The following SLCO5A1 variants were observed in gnomAD, a reference collection of about 807,000 sequenced individuals.
SLCO5A1 encodes solute carrier organic anion transporter family member 5A1.
SLCO5A1 carries 39 observed loss-of-function variants against 65.1 expected under a neutral mutation model. That is an observed-to-expected ratio of 0.60 (90% CI 0.46 to 0.78). The LOEUF (loss-of-function observed/expected upper bound fraction) is 0.78. Ranked by LOEUF, SLCO5A1 falls within the 30% of genes least tolerant of loss-of-function variation. The pLI, the probability that SLCO5A1 is intolerant of heterozygous loss-of-function variation, is 0.00. For synonymous variants in SLCO5A1, 438 were observed against 415.7 expected (o/e 1.05, Z -0.65); for missense variants, 1,029 against 1,069.4 (o/e 0.96, Z 0.53).
intron 2 of SLCO5A1, among the ~76,000 whole-genome samples, chr8:69,821,384 TGAA>T (rs1235276034): frequency 7.7e-6 from 1 of 129,928 alleles, no homozygotes; most frequent in Non-Finnish European, 1.6e-5. Flanking sequence ...ATTTGCAAAA[TGAA>T]GAAGAACAGG....
rs192257863 is a variant in SLCO5A1 at position 69,740,691 on chromosome 8, T to C, written c.1259-2487A>G. ...CTGGAAAAATGTCTAACTTTACAACTGGAGCAGAGATAATACAAGATAAGC... is the reference window on the plus strand; with the variant it reads ...CTGGAAAAATGTCTAACTTTACAACCGGAGCAGAGATAATACAAGATAAGC... On this transcript the variant is annotated intron_variant, in intron 4 of 9. Coordinates refer to ENST00000260126, the MANE Select transcript of SLCO5A1 (RefSeq NM_030958.3). Among the ~76,000 whole-genome samples the C allele has an allele frequency of 1.4e-3, 215 of 152,266 alleles. 1 individual carries two copies. The highest frequency in any genetic ancestry group is 2.6e-3 in the Non-Finnish European group (175 of 68,014).
intron 2 of SLCO5A1, among the ~76,000 whole-genome samples, chr8:69,763,527 G>A (rs981523153): frequency 6.9e-6 from 1 of 145,506 alleles, no homozygotes; most frequent in African/African-American, 2.5e-5. Context: ...GGCTGAGGTG[G>A]GAAAATCACT....
intron 2 of SLCO5A1, among the ~76,000 whole-genome samples, chr8:69,774,822 TGAA>T (rs1421782252): frequency 5.9e-5 from 9 of 152,156 alleles, no homozygotes; most frequent in Admixed American, 2.6e-4. Context: ...ACAGAGGACA[TGAA>T]GAACAATCCA....
At chr8:69,712,661 A>C (rs1326280588) in intron 5 of SLCO5A1, among the ~76,000 whole-genome samples, 1 of 152,048 alleles carries the variant, frequency 6.6e-6, no homozygotes, top group Non-Finnish European at 1.5e-5. Context: ...CCCTCTCATC[A>C]CACCTGTCAC....
At chr8:69,675,576 A>T (rs1027392598) in intron 9 of SLCO5A1, among the ~76,000 whole-genome samples, 1 of 152,156 alleles carries the variant, frequency 6.6e-6, no homozygotes, top group African/African-American at 2.4e-5. Flanking sequence ...GTACTGAAAA[A>T]AACAAGCCAC....
chr8:69,734,909 G>A (rs1816492789), intron 5 of SLCO5A1, among the ~76,000 whole-genome samples: 1 of 151,990 alleles, frequency 6.6e-6, no homozygotes, highest in African/African-American at 2.4e-5. Flanking sequence ...TCTATGCCCA[G>A]AGAGTAAGAA....
chr8:69,701,860 C>T (rs753572851), intron 6 of SLCO5A1, among the ~76,000 whole-genome samples: 12 of 152,090 alleles, frequency 7.9e-5, no homozygotes, highest in Non-Finnish European at 1.5e-4. Context: ...TTACAGAGTT[C>T]GACTCTTTCC....
intron 6 of SLCO5A1, among the ~76,000 whole-genome samples, chr8:69,686,938 G>C (rs765631512): frequency 6.6e-6 from 1 of 152,210 alleles, no homozygotes; most frequent in Non-Finnish European, 1.5e-5. Context: ...TTTGTAAACA[G>C]TTATCAAAAT....
At chr8:69,679,645 T>C (rs1451004255) in intron 7 of SLCO5A1, 26 bp from the exon 8 acceptor site, 1 of 1,607,264 alleles carries the variant, frequency 6.2e-7, no homozygotes, top group Non-Finnish European at 8.5e-7. Context: ...AAAGATGAGT[T>C]GTGTGCCCCT....
intron 6 of SLCO5A1, among the ~76,000 whole-genome samples, chr8:69,696,512 G>A (rs1418279106): frequency 2.0e-5 from 3 of 152,152 alleles, no homozygotes; most frequent in Admixed American, 2.0e-4. Flanking sequence ...TCATTTATCC[G>A]TTGCCTCCCA....
intron 2 of SLCO5A1, among the ~76,000 whole-genome samples, chr8:69,779,679 T>C (rs555214248): frequency 5.3e-4 from 80 of 152,256 alleles, no homozygotes; most frequent in African/African-American, 1.9e-3. Context: ...GTTAAGGAGA[T>C]AGGCAATTAG....
At chr8:69,675,853 G>T (rs1813525535) in intron 9 of SLCO5A1, among the ~76,000 whole-genome samples, 1 of 152,190 alleles carries the variant, frequency 6.6e-6, no homozygotes, top group Non-Finnish European at 1.5e-5. Context: ...ACTGCCACTT[G>T]AGAAAAAGAC....
chr8:69,754,352 C>A (rs1471337104), intron 4 of SLCO5A1, among the ~76,000 whole-genome samples: 1 of 152,148 alleles, frequency 6.6e-6, no homozygotes, highest in African/African-American at 2.4e-5. Context: ...AAATTACAGT[C>A]TTTAAAAATG....
intron 2 of SLCO5A1, among the ~76,000 whole-genome samples, chr8:69,792,971 T>TTTTTTTG (rs1161200529): frequency 2.0e-5 from 3 of 151,898 alleles, no homozygotes; most frequent in Non-Finnish European, 4.4e-5. Context: ...TGTTGTTTGG[T>TTTTTTTG]TTTTTTGTTT....
Position 69,769,991 on chromosome 8 carries a change from T to A in SLCO5A1, c.908-8116A>T, listed in dbSNP as rs991747548. 2.5e-4 allele frequency among the ~76,000 whole-genome samples: 38 copies of A among 152,184 alleles called. 2 individuals are homozygous for A. The highest frequency in any genetic ancestry group is 2.5e-3 in the Admixed American group (38 of 15,280). On this transcript the variant is annotated intron_variant, in intron 2 of 9. Transcript: ENST00000260126. ...AATAATACCACAGTGACAATAACAA[T>A]AGTAATAAATATTTCATACTATTCA...
intron 5 of SLCO5A1, among the ~76,000 whole-genome samples, chr8:69,729,359 G>A (rs746195683): frequency 6.8e-6 from 1 of 146,776 alleles, no homozygotes; most frequent in East Asian, 2.0e-4. Flanking sequence ...CAGGAGAATG[G>A]CATCAACCCG....
Position 69,672,979 on chromosome 8 carries a change from C to G in SLCO5A1, c.2437G>C (p.Gly813Arg). 2 of 1,614,198 alleles carry G rather than the reference C, an allele frequency of 1.2e-6. No individual in the cohort carries two copies. Among genetic ancestry groups the G allele is most frequent in the Non-Finnish European group, 1.7e-6 (2 of 1,180,030 alleles). The change falls in exon 10 of 10, where the codon GGG becomes CGG. Residue 813 changes from glycine (G) to arginine (R), a missense_variant. Transcript: ENST00000260126. The stretch of plus-strand genomic sequence containing the variant: ...TAGGTCTGTGCTGCGCACTGGATCC[C>G]TTTTTGCAGGCCAGTCTCTTCGTGG... Reference protein sequence around the residue: ...EFHEETGLQKGIQCAAQTYPG... With the variant: ...EFHEETGLQKRIQCAAQTYPG...
intron 2 of SLCO5A1, among the ~76,000 whole-genome samples, chr8:69,812,752 C>T (rs967385269): frequency 1.1e-4 from 17 of 152,312 alleles, no homozygotes; most frequent in Non-Finnish European, 2.4e-4. Flanking sequence ...TGAAGAAATT[C>T]AAACTAATTT....
rs1231580435 is a variant in SLCO5A1, at chr8:69,670,430, A to C, written c.*2439T>G. The C allele has an allele frequency of 6.6e-6, 1 of 152,198 alleles. No homozygotes were observed. The highest frequency in any genetic ancestry group is 2.4e-5 in the African/African-American group (1 of 41,450). 9.4% of individuals were successfully genotyped at this position (152,198 alleles called of 1,614,324 possible). ...CCACTCTTAATTGGTACATATTCCA[A>C]AGCTTTATTTTCTCATGATTTTTAC... On this transcript the variant is annotated 3_prime_UTR_variant, in exon 10 of 10. Coordinates refer to ENST00000260126, the MANE Select transcript of SLCO5A1 (RefSeq NM_030958.3).
Sources: gnomAD v4.1 joint callset for allele counts (sites outside exome capture counted in the v4.1 genomes callset) on GRCh38, gnomAD v4.1.1 for gene constraint, MANE v1.5 for transcripts, NCBI Gene and HGNC (gene_info 2026-07-23, HGNC 2026-07-21) for gene names.